Variants in CPQ observed in about 807,000 individuals in gnomAD.
The protein encoded by CPQ is carboxypeptidase Q, also known as Ser-Met dipeptidase.
In CPQ, 37 loss-of-function variants were observed where a neutral mutation model predicts 45.7. That is an observed-to-expected ratio of 0.81 (90% CI 0.62 to 1.07). The LOEUF (loss-of-function observed/expected upper bound fraction) is 1.07. Ranked by LOEUF, CPQ falls within the 50% of genes least tolerant of loss-of-function variation. The probability of loss-of-function intolerance (pLI) is 0.00; values close to 1 mark genes in which losing one functional copy is unlikely to be tolerated. For missense variants in CPQ, 537 were observed against 572.9 expected (o/e 0.94, Z 0.64); for synonymous variants, 186 against 205.8 (o/e 0.90, Z 0.82).
chr8:97,066,555 A>G (rs1038237319), intron 7 of CPQ, among the ~76,000 whole-genome samples: 2 of 152,204 alleles, frequency 1.3e-5, no homozygotes, highest in East Asian at 3.8e-4. Context: ...CATAACCAAA[A>G]TTTGAGAAAT....
In CPQ at chr8:96,947,338, C is replaced by T. The variant is rs368566064; in HGVS notation, c.850-18597C>T. On this transcript the variant is annotated intron_variant, in intron 4 of 7. Transcript: ENST00000220763. Reference sequence around the variant, plus strand: ...TATCATCTAGGTTTGTTATGTACACCCTATGGTGCTTGCACAACAAAGAAA... The same window carrying T: ...TATCATCTAGGTTTGTTATGTACACTCTATGGTGCTTGCACAACAAAGAAA... Among the ~76,000 whole-genome samples the T allele has an allele frequency of 2.6e-5, 4 of 152,120 alleles. No homozygotes were observed. In the East Asian group the frequency reaches 5.8e-4, roughly 22 times the overall value.
chr8:96,785,617 G>C lies in CPQ; in HGVS notation c.433+287G>C, dbSNP rs189559337. On this transcript the variant is annotated intron_variant, in intron 2 of 7. Coordinates refer to ENST00000220763, the MANE Select transcript of CPQ (RefSeq NM_016134.4). The stretch of plus-strand genomic sequence containing the variant: ...TTGCTATCTAGTTAAACATTAGCAT[G>C]GTTCTATAGATAATTGAAATATACA... 2.3e-3 allele frequency among the ~76,000 whole-genome samples: 348 copies of C among 152,138 alleles called. 4 individuals are homozygous for C. The highest frequency in any genetic ancestry group is 8.2e-3 in the African/African-American group (340 of 41,512).
chr8:96,730,853 T>C (rs1244533052), intron 1 of CPQ, among the ~76,000 whole-genome samples: 6 of 50,146 alleles, frequency 1.2e-4, no homozygotes, highest in Non-Finnish European at 2.8e-4. Flanking sequence ...TCTAGATCAA[T>C]TAACCATACA....
At chr8:96,971,624 C>G (rs1468360609) in intron 5 of CPQ, among the ~76,000 whole-genome samples, 2 of 152,142 alleles carry the variant, frequency 1.3e-5, no homozygotes, top group African/African-American at 4.8e-5. Flanking sequence ...AATCACTGGT[C>G]CTCAATATGT....
At chr8:96,833,699 C>T (rs2130847648) in intron 2 of CPQ, among the ~76,000 whole-genome samples, 1 of 152,226 alleles carries the variant, frequency 6.6e-6, no homozygotes, top group South Asian at 2.1e-4. Context: ...TACATTGCTT[C>T]TTTTAGACTA....
At chr8:96,678,056 G>A (rs984424082) in intron 1 of CPQ, among the ~76,000 whole-genome samples, 4 of 152,058 alleles carry the variant, frequency 2.6e-5, no homozygotes, top group African/African-American at 9.7e-5. Flanking sequence ...CCCCTACCCT[G>A]CTGTTTTAGT....
chr8:97,048,412 G>A (rs893024151), intron 6 of CPQ, among the ~76,000 whole-genome samples: 1 of 152,158 alleles, frequency 6.6e-6, no homozygotes, highest in African/African-American at 2.4e-5. Flanking sequence ...TTGCAAAAGA[G>A]ACATTTAAAT....
At chr8:96,693,776 A>G (rs1206461708) in intron 1 of CPQ, among the ~76,000 whole-genome samples, 1 of 152,192 alleles carries the variant, frequency 6.6e-6, no homozygotes, top group Non-Finnish European at 1.5e-5. Context: ...TCTGAAGGCA[A>G]AGGACTCAGT....
chr8:97,038,736 T>C (rs1810045558), intron 6 of CPQ, among the ~76,000 whole-genome samples: 1 of 147,536 alleles, frequency 6.8e-6, no homozygotes, highest in South Asian at 2.1e-4. Context: ...CTGCAGGTCA[T>C]ATGGTTTCTC....
intron 5 of CPQ, among the ~76,000 whole-genome samples, chr8:97,025,477 C>T (rs1809783305): frequency 6.6e-6 from 1 of 152,140 alleles, no homozygotes; most frequent in Non-Finnish European, 1.5e-5. Flanking sequence ...GAACCGACTG[C>T]CTCTCCTCTA....
At chr8:96,879,643 C>T (rs1310938752) in intron 3 of CPQ, among the ~76,000 whole-genome samples, 155 bp from the exon 4 acceptor site, 1 of 152,164 alleles carries the variant, frequency 6.6e-6, no homozygotes, top group African/African-American at 2.4e-5. Flanking sequence ...ATTACATTCA[C>T]ATCAAAAGCA....
intron 7 of CPQ, among the ~76,000 whole-genome samples, chr8:97,111,391 C>T (rs1324174193): frequency 1.3e-5 from 2 of 152,198 alleles, no homozygotes; most frequent in African/African-American, 4.8e-5. Flanking sequence ...GACGGCCTCC[C>T]TCATAGCTTC....
chr8:97,105,051 A>G (rs1210235658), intron 7 of CPQ, among the ~76,000 whole-genome samples: 1 of 152,236 alleles, frequency 6.6e-6, no homozygotes, highest in African/African-American at 2.4e-5. Context: ...GTTGAGATAC[A>G]GGTAACAAAA....
intron 3 of CPQ, among the ~76,000 whole-genome samples, chr8:96,862,381 C>G (rs1476980557): frequency 6.7e-6 from 1 of 149,776 alleles, no homozygotes; most frequent in Admixed American, 6.7e-5. Flanking sequence ...CTATGTAAAC[C>G]TTCTGGTGCT....
intron 1 of CPQ, 22 bp from the exon 2 acceptor site, chr8:96,784,842 A>T (rs893380227): frequency 2.0e-6 from 3 of 1,509,892 alleles, no homozygotes; most frequent in Non-Finnish European, 1.8e-6. Context: ...CCCCTAAAAC[A>T]TAATGTTTCT....
intron 3 of CPQ, among the ~76,000 whole-genome samples, chr8:96,869,763 T>C (rs1292409966): frequency 6.6e-6 from 1 of 152,058 alleles, no homozygotes; most frequent in African/African-American, 2.4e-5. Context: ...ATTCTAGAGA[T>C]TGGGCCAGCA....
At chr8:97,023,061 AGAAACTGTAGT>A (rs1375553801) in intron 5 of CPQ, among the ~76,000 whole-genome samples, 42 of 139,268 alleles carry the variant, frequency 3.0e-4, no homozygotes, top group Admixed American at 5.8e-4. Context: ...CTGTATATAT[AGAAACTGTAGT>A]GTATATATAT....
chr8:96,732,700 A>G (rs998543836), intron 1 of CPQ, among the ~76,000 whole-genome samples: 3 of 152,124 alleles, frequency 2.0e-5, no homozygotes, highest in Admixed American at 1.3e-4. Flanking sequence ...CGGAGACCAC[A>G]CAATTTCTGG....
chr8:97,060,845 G>A (rs77546372), intron 6 of CPQ, among the ~76,000 whole-genome samples: 29 of 152,130 alleles, frequency 1.9e-4, no homozygotes, highest in Non-Finnish European at 2.6e-4. Flanking sequence ...AAGGATGTTC[G>A]TGACAATATA....
Sources: gnomAD v4.1 joint callset for allele counts (sites outside exome capture counted in the v4.1 genomes callset) on GRCh38, gnomAD v4.1.1 for gene constraint, MANE v1.5 for transcripts, NCBI Gene and HGNC (gene_info 2026-07-23, HGNC 2026-07-21) for gene names.